Variants in CPEB3 observed in about 807,000 individuals in gnomAD.
CPEB3 encodes the protein cytoplasmic polyadenylation element-binding protein 3.
Under a neutral mutation model 67.2 loss-of-function variants are expected in CPEB3, and 20 were observed. The observed-to-expected ratio is 0.30, with a 90% CI of 0.21 to 0.43. The LOEUF (loss-of-function observed/expected upper bound fraction) is 0.43, where lower values mean the gene tolerates loss of function less well. CPEB3 is among the 20% of genes least tolerant of loss of function. CPEB3 has a pLI of 1.00. For missense variants in CPEB3, 746 were observed against 968.6 expected (o/e 0.77, Z 3.05); for synonymous variants, 376 against 393.1 (o/e 0.96, Z 0.51).
At chr10:92,130,617 C>T (rs925432648) in intron 6 of CPEB3, among the ~76,000 whole-genome samples, 6 of 150,886 alleles carry the variant, frequency 4.0e-5, no homozygotes, top group African/African-American at 1.5e-4. Context: ...CGAGACAGTC[C>T]ATGTATCTGG....
chr10:92,095,430 T>C (rs1223788244), intron 7 of CPEB3, among the ~76,000 whole-genome samples: 2 of 151,990 alleles, frequency 1.3e-5, no homozygotes, highest in Middle Eastern at 3.2e-3. Flanking sequence ...TGTGGTACTA[T>C]CTGTATGAAA....
intron 8 of CPEB3, among the ~76,000 whole-genome samples, chr10:92,088,875 A>G (rs1263046986): frequency 6.6e-6 from 1 of 152,258 alleles, no homozygotes; most frequent in Non-Finnish European, 1.5e-5. Context: ...ATAATAAAAA[A>G]TGCTCTAAAG....
chr10:92,163,696 T>C (rs908008900), intron 4 of CPEB3, among the ~76,000 whole-genome samples: 7 of 152,328 alleles, frequency 4.6e-5, no homozygotes, highest in Admixed American at 1.3e-4. Flanking sequence ...GCTCCTCCTA[T>C]ATCTTTGACT....
intron 6 of CPEB3, among the ~76,000 whole-genome samples, chr10:92,133,653 T>G (rs888971956): frequency 1.1e-4 from 16 of 152,322 alleles, no homozygotes; most frequent in African/African-American, 3.8e-4. Context: ...GAATCCTCCC[T>G]AACTCATTTT....
chr10:92,216,589 G>A, intron 2 of CPEB3: 1 of 1,610,820 alleles, frequency 6.2e-7, no homozygotes, highest in Non-Finnish European at 8.5e-7. Context: ...GAGACACACT[G>A]CCCATTGAGG....
intron 1 of CPEB3, among the ~76,000 whole-genome samples, chr10:92,243,015 T>C (rs1031949340): frequency 1.4e-4 from 21 of 152,308 alleles, no homozygotes; most frequent in African/African-American, 3.4e-4. Context: ...GGTTGTTTTT[T>C]GTTTTTTTGG....
intron 2 of CPEB3, among the ~76,000 whole-genome samples, chr10:92,238,943 T>G (rs772217630): frequency 1.3e-4 from 20 of 152,166 alleles, no homozygotes; most frequent in Non-Finnish European, 2.5e-4. Context: ...CACCCTGAGC[T>G]CAGGATTGCA....
intron 1 of CPEB3, among the ~76,000 whole-genome samples, chr10:92,265,294 T>G (rs924255639): frequency 6.6e-6 from 1 of 152,214 alleles, no homozygotes; most frequent in African/African-American, 2.4e-5. Context: ...CTATTCAGAT[T>G]GTTCTCAGCT....
intron 2 of CPEB3, among the ~76,000 whole-genome samples, chr10:92,193,462 CA>C (rs1281461666): frequency 4.0e-5 from 6 of 151,632 alleles, no homozygotes. Flanking sequence ...AGAAAGACCA[CA>C]ATTTTTTTTT....
intron 1 of CPEB3, among the ~76,000 whole-genome samples, chr10:92,253,463 C>CA (rs370091703): frequency 0.26 from 19,890 of 77,300 alleles, 1,807 homozygotes; most frequent in African/African-American, 0.29. Context: ...TGTCTCAAAA[C>CA]AAAAAAAAAA....
intron 2 of CPEB3, among the ~76,000 whole-genome samples, chr10:92,225,410 G>A (rs1850921506): frequency 6.6e-6 from 1 of 152,112 alleles, no homozygotes; most frequent in Non-Finnish European, 1.5e-5. Context: ...GGTAGCACAT[G>A]CTTATAGTCC....
chr10:92,176,370 G>T lies in CPEB3; in HGVS notation c.1222+4593C>A, dbSNP rs1284432020. ...TTGCTATCTCCATTTTACAGGTGAA[G>T]AAATCGAGGCAAAGAGGAGTTAAGA... is the stretch of plus-strand genomic sequence containing the variant. On this transcript the variant is annotated intron_variant, in intron 4 of 9. Transcript: ENST00000265997. Among the ~76,000 whole-genome samples, 3 of 152,246 alleles carry T rather than the reference G, an allele frequency of 2.0e-5. No individual in the cohort carries two copies. The East Asian group carries it at 5.8e-4, about 29-fold the overall frequency.
At chr10:92,081,912 T>C (rs1843166909) in intron 8 of CPEB3, among the ~76,000 whole-genome samples, 1 of 152,200 alleles carries the variant, frequency 6.6e-6, no homozygotes, top group Non-Finnish European at 1.5e-5. Flanking sequence ...TAAAAGCAAT[T>C]ACTAGTGTCA....
In CPEB3 at chr10:92,239,939, T is replaced by C. The variant is rs1301797491; in HGVS notation, c.412A>G (p.Asn138Asp). The change falls in exon 2 of 10, where the codon AAC becomes GAC. Residue 138 changes from asparagine (N) to aspartate (D), a missense_variant. Asn to Asp is a conservative substitution (Grantham distance 23, BLOSUM62 1). Around this residue, in one of 2 missense-constraint regions of CPEB3, gnomAD observed 643 missense variants for 717.5 expected, o/e 0.90. Coordinates refer to ENST00000265997, the MANE Select transcript of CPEB3 (RefSeq NM_014912.5). This position sits in a 1 kb window ranked among gnomAD's most constrained non-coding sequence, Gnocchi z 6.0. Reference protein sequence around the residue: ...TPVNGTMLFQNFPHHVNPVFG... With the variant: ...TPVNGTMLFQDFPHHVNPVFG... ...ACTGGGTTGACATGGTGCGGGAAGT[T>C]CTGGAAGAGCATGGTCCCGTTGACT... The C allele has an allele frequency of 1.9e-6, 3 of 1,613,080 alleles. No homozygotes were observed.
intron 2 of CPEB3, among the ~76,000 whole-genome samples, chr10:92,225,610 C>T (rs1286111862): frequency 6.6e-6 from 1 of 151,988 alleles, no homozygotes; most frequent in Non-Finnish European, 1.5e-5. Context: ...ATAATGGATT[C>T]CCATAATGGA....
At chr10:92,251,599 G>A (rs766330179) in intron 1 of CPEB3, among the ~76,000 whole-genome samples, 2 of 152,080 alleles carry the variant, frequency 1.3e-5, no homozygotes, top group African/African-American at 2.4e-5. Flanking sequence ...AAGGGTATTC[G>A]AGTCAACTGA....
chr10:92,084,446 G>A (rs1843288641), intron 8 of CPEB3, among the ~76,000 whole-genome samples: 1 of 152,104 alleles, frequency 6.6e-6, no homozygotes, highest in Admixed American at 6.5e-5. Context: ...AGTTGATTAG[G>A]TCTCACTTAA....
At chr10:92,057,683 C>T (rs1266462560) in intron 9 of CPEB3, among the ~76,000 whole-genome samples, 1 of 152,250 alleles carries the variant, frequency 6.6e-6, no homozygotes. Context: ...GGACACAGCA[C>T]AGTCAGAGTG....
intron 2 of CPEB3, among the ~76,000 whole-genome samples, chr10:92,200,385 G>A (rs985876544): frequency 1.5e-4 from 22 of 151,528 alleles, no homozygotes; most frequent in Admixed American, 1.3e-3. Flanking sequence ...TCTCTACTAA[G>A]AAATACAAAA....
Sources: gnomAD v4.1 joint callset for allele counts (sites outside exome capture counted in the v4.1 genomes callset) on GRCh38, gnomAD v4.1.1 for gene constraint, gnomAD v4.1.1 regional missense constraint, Gnocchi (gnomAD v3.1) non-coding constraint, MANE v1.5 for transcripts, NCBI Gene and HGNC (gene_info 2026-07-23, HGNC 2026-07-21) for gene names.